DLGAP2: variants seen among roughly 807,000 people sequenced by gnomAD.
DLGAP2 encodes disks large-associated protein 2.
A neutral mutation model predicts 100.3 loss-of-function variants in DLGAP2; 26 were observed. The ratio of observed to expected loss-of-function variants is 0.26; its 90% confidence interval spans 0.19 to 0.36. DLGAP2 has a LOEUF of 0.36. Ranked by LOEUF, DLGAP2 falls within the 10% of genes least tolerant of loss-of-function variation. DLGAP2 has a pLI of 1.00. For synonymous variants in DLGAP2, 886 were observed against 630.1 expected (o/e 1.41, Z -6.08); for missense variants, 1,858 against 1,453.2 (o/e 1.28, Z -4.53).
At chr8:1,526,270 C>T (rs1444101999) in intron 4 of DLGAP2, among the ~76,000 whole-genome samples, 1 of 151,882 alleles carries the variant, frequency 6.6e-6, no homozygotes, top group African/African-American at 2.4e-5. Context: ...GGGTCCATAG[C>T]CCTGCTCTGT....
chr8:1,024,222 A>ATG, intron 2 of DLGAP2, among the ~76,000 whole-genome samples: 1 of 135,500 alleles, frequency 7.4e-6, no homozygotes. Context: ...AACACCACCC[A>ATG]CCCTCCCTGG....
intron 2 of DLGAP2, among the ~76,000 whole-genome samples, chr8:962,081 G>C (rs141860484): frequency 7.7e-4 from 117 of 152,330 alleles, no homozygotes; most frequent in African/African-American, 2.7e-3. Flanking sequence ...CTTAGCATTT[G>C]TAAAAGCATT....
At chr8:1,439,869 A>G (rs902819675) in intron 3 of DLGAP2, among the ~76,000 whole-genome samples, 3 of 152,156 alleles carry the variant, frequency 2.0e-5, no homozygotes, top group Admixed American at 2.0e-4. Context: ...TCTTGTGTGA[A>G]GAGACATGAG....
intron 2 of DLGAP2, among the ~76,000 whole-genome samples, chr8:1,202,298 G>A (rs575241126): frequency 6.4e-4 from 97 of 151,004 alleles, no homozygotes; most frequent in Admixed American, 1.5e-3. Flanking sequence ...TGTAGTATAT[G>A]TGTGTGTGTG....
At chr8:1,294,688 TGTG>T in intron 3 of DLGAP2, among the ~76,000 whole-genome samples, 1 of 152,264 alleles carries the variant, frequency 6.6e-6, no homozygotes, top group Admixed American at 6.5e-5. Flanking sequence ...TAATGTTGTA[TGTG>T]TGAGAGAGTT....
intron 3 of DLGAP2, among the ~76,000 whole-genome samples, chr8:1,447,009 T>C (rs1046152242): frequency 3.9e-5 from 6 of 152,158 alleles, no homozygotes; most frequent in African/African-American, 1.4e-4. Context: ...CAATGGGGTT[T>C]TCTAGATATA....
At chr8:1,379,641 C>G (rs554616528) in intron 3 of DLGAP2, 6 of 152,348 alleles carry the variant, frequency 3.9e-5, no homozygotes, top group African/African-American at 1.4e-4. Flanking sequence ...AAAACTCAGT[C>G]CAGGCCCTGA....
chr8:946,391 G>A (rs566356152), intron 2 of DLGAP2, among the ~76,000 whole-genome samples: 59 of 151,922 alleles, frequency 3.9e-4, no homozygotes, highest in Middle Eastern at 3.4e-3. Context: ...AGACTCCCGA[G>A]TGTCTGGGAC....
At chr8:1,421,034 A>C (rs940619024) in intron 3 of DLGAP2, among the ~76,000 whole-genome samples, 3 of 152,204 alleles carry the variant, frequency 2.0e-5, no homozygotes, top group Non-Finnish European at 4.4e-5. Context: ...GTTGTGTTAT[A>C]GACTTCCCAA....
At chr8:1,069,729 ATGC>A (rs1050087071) in intron 2 of DLGAP2, among the ~76,000 whole-genome samples, 3 of 152,230 alleles carry the variant, frequency 2.0e-5, no homozygotes, top group African/African-American at 7.2e-5. Context: ...TGCTCGCCAA[ATGC>A]TGAGTGCTGG....
intron 3 of DLGAP2, among the ~76,000 whole-genome samples, chr8:1,370,726 C>T (rs1802217702): frequency 6.6e-6 from 1 of 152,200 alleles, no homozygotes; most frequent in Non-Finnish European, 1.5e-5. Context: ...TCTTTCTCTG[C>T]TTTGCTGGTG....
intron 12 of DLGAP2, among the ~76,000 whole-genome samples, chr8:1,689,131 TG>T (rs1171267364): frequency 1.3e-5 from 2 of 152,292 alleles, no homozygotes; most frequent in East Asian, 3.9e-4. Context: ...ACACGAGGAT[TG>T]GGTTCACTTC....
chr8:804,653 C>G (rs925335307), intron 1 of DLGAP2, among the ~76,000 whole-genome samples: 4 of 152,254 alleles, frequency 2.6e-5, no homozygotes, highest in African/African-American at 9.6e-5. Context: ...ATTATGTTCT[C>G]TCTTTTCCCC....
At chr8:1,124,374 C>G (rs1256085194) in intron 2 of DLGAP2, among the ~76,000 whole-genome samples, 1 of 152,156 alleles carries the variant, frequency 6.6e-6, no homozygotes, top group Non-Finnish European at 1.5e-5. Context: ...GACCTCAGAG[C>G]TGAGTCCAGG....
intron 3 of DLGAP2, among the ~76,000 whole-genome samples, chr8:1,368,314 G>A (rs978508061): frequency 6.6e-6 from 1 of 151,692 alleles, no homozygotes; most frequent in Non-Finnish European, 1.5e-5. Flanking sequence ...CATGTGCATA[G>A]CTGTGTGTGT....
intron 3 of DLGAP2, among the ~76,000 whole-genome samples, chr8:1,364,511 T>TG (rs1056686344): frequency 3.4e-5 from 5 of 146,774 alleles, no homozygotes; most frequent in South Asian, 2.2e-4. Flanking sequence ...GCGGGGGGGG[T>TG]GCAGCGAAGC....
chr8:856,542 G>A (rs1195757258), intron 1 of DLGAP2, among the ~76,000 whole-genome samples: 2 of 152,106 alleles, frequency 1.3e-5, no homozygotes, highest in Non-Finnish European at 2.9e-5. Context: ...TAGAATACAG[G>A]GTTAATATGC....
intron 3 of DLGAP2, among the ~76,000 whole-genome samples, chr8:1,478,144 T>C (rs1266921604): frequency 6.6e-6 from 1 of 152,254 alleles, no homozygotes; most frequent in Non-Finnish European, 1.5e-5. Flanking sequence ...CTCTGTTTTT[T>C]AAATCTGGGT....
intron 3 of DLGAP2, among the ~76,000 whole-genome samples, chr8:1,336,295 C>A (rs1220883456): frequency 6.6e-6 from 1 of 152,176 alleles, no homozygotes; most frequent in Non-Finnish European, 1.5e-5. Flanking sequence ...AGATCTGAAG[C>A]ACCTTCGTTC....
Sources: gnomAD v4.1 joint callset for allele counts (sites outside exome capture counted in the v4.1 genomes callset) on GRCh38, gnomAD v4.1.1 for gene constraint, MANE v1.5 for transcripts, NCBI Gene and HGNC (gene_info 2026-07-23, HGNC 2026-07-21) for gene names.